Variants in RABGAP1L observed in about 807,000 individuals in gnomAD.
The protein encoded by RABGAP1L is RAB GTPase activating protein 1 like.
In RABGAP1L, 63 loss-of-function variants were observed where a neutral mutation model predicts 137.7. The ratio of observed to expected loss-of-function variants is 0.46; its 90% confidence interval spans 0.37 to 0.56. RABGAP1L has a LOEUF of 0.56. Ranked by LOEUF, RABGAP1L falls within the 20% of genes least tolerant of loss-of-function variation. The probability of loss-of-function intolerance (pLI) is 0.00; values close to 1 mark genes in which losing one functional copy is unlikely to be tolerated. For missense variants in RABGAP1L, 1,095 were observed against 1,244.0 expected, an observed-to-expected ratio of 0.88 and a Z score of 1.80; for synonymous variants, 431 against 433.7, an observed-to-expected ratio of 0.99 and a Z score of 0.08.
intron 18 of RABGAP1L, among the ~76,000 whole-genome samples, chr1:174,793,120 G>A (rs912555502): frequency 1.5e-4 from 23 of 151,148 alleles, no homozygotes; most frequent in Non-Finnish European, 1.0e-4. Context: ...TAACAAGAGC[G>A]AAACTCCATC....
At chr1:174,625,956 G>C (rs2148292209) in intron 13 of RABGAP1L, among the ~76,000 whole-genome samples, 1 of 152,222 alleles carries the variant, frequency 6.6e-6, no homozygotes, top group South Asian at 2.1e-4. Flanking sequence ...AGAGTTCAAA[G>C]AGCTGTTTTG....
rs140461792 is a variant in RABGAP1L, at chr1:174,666,103, G to A, written c.1825-17419G>A. Among the ~76,000 whole-genome samples, 91 of 152,182 alleles carry A rather than the reference G, an allele frequency of 6.0e-4. 1 individual carries two copies. The highest frequency in any genetic ancestry group is 2.0e-3 in the African/African-American group (84 of 41,516). ...TAGGCTTTCCTTGGTATCTCTTTGT[G>A]TCTCCCAGCTTATGTGAGAACAGAT... On this transcript the variant is annotated intron_variant, in intron 14 of 25. Coordinates refer to ENST00000681986, the MANE Select transcript of RABGAP1L (RefSeq NM_001366446.1).
At chr1:174,798,146 T>G (rs1192833583) in intron 18 of RABGAP1L, among the ~76,000 whole-genome samples, 1 of 151,100 alleles carries the variant, frequency 6.6e-6, no homozygotes, top group Non-Finnish European at 1.5e-5. Flanking sequence ...GAAATCATTT[T>G]AGCACTTTGG....
At chr1:174,964,641 C>T (rs368802304) in intron 20 of RABGAP1L, 12 of 317,906 alleles carry the variant, frequency 3.8e-5, no homozygotes, top group South Asian at 3.6e-4. Context: ...CACCTCACAC[C>T]GTAGTTCCTT....
At chr1:174,617,104 A>T (rs1316705975) in intron 13 of RABGAP1L, among the ~76,000 whole-genome samples, 2 of 152,210 alleles carry the variant, frequency 1.3e-5, no homozygotes, top group Non-Finnish European at 2.9e-5. Flanking sequence ...ATGTATATTT[A>T]CCTGAGTCTT....
intron 13 of RABGAP1L, among the ~76,000 whole-genome samples, chr1:174,537,645 T>C (rs1482543130): frequency 6.6e-6 from 1 of 152,174 alleles, no homozygotes; most frequent in Non-Finnish European, 1.5e-5. Flanking sequence ...TGTACTACTA[T>C]GGAGAGAGGT....
At chr1:174,429,269 TAAAGG>T (rs548578473) in intron 13 of RABGAP1L, among the ~76,000 whole-genome samples, 1 of 152,330 alleles carries the variant, frequency 6.6e-6, no homozygotes, top group South Asian at 2.1e-4. Context: ...ATAAGATAGT[TAAAGG>T]AAGGGCATTT....
chr1:174,195,140 T>C (rs1174723921), intron 1 of RABGAP1L, among the ~76,000 whole-genome samples: 1 of 152,212 alleles, frequency 6.6e-6, no homozygotes, highest in African/African-American at 2.4e-5. Context: ...TGTGCAGATA[T>C]GGGATTCTCA....
chr1:174,523,041 CTGTTGAG>C (rs1471356463), intron 13 of RABGAP1L, among the ~76,000 whole-genome samples: 1 of 152,168 alleles, frequency 6.6e-6, no homozygotes, highest in African/African-American at 2.4e-5. Flanking sequence ...GAATTTTTGC[CTGTTGAG>C]TGTTGAGACT....
At position 174,240,023 on chromosome 1, in the gene RABGAP1L, G is replaced by A. The variant is rs116654286; in HGVS notation, c.543-1460G>A. ...TGTTATCGTCTAAAAATGTCAAAAT[G>A]TCTTTTTAAAGAAAAATTGTTTTCA... On this transcript the variant is annotated intron_variant, in intron 4 of 25. Transcript: ENST00000681986. 7.6e-4 allele frequency among the ~76,000 whole-genome samples: 115 copies of A among 152,276 alleles called. 1 individual carries two copies. Among genetic ancestry groups the A allele is most frequent in the African/African-American group, 2.6e-3 (110 of 41,564 alleles).
intron 19 of RABGAP1L, among the ~76,000 whole-genome samples, chr1:174,816,788 A>G (rs1793302): frequency 2.7e-5 from 4 of 150,888 alleles, no homozygotes; most frequent in African/African-American, 4.9e-5. Flanking sequence ...CTGGAATGCA[A>G]TGGCGCGATC....
intron 19 of RABGAP1L, among the ~76,000 whole-genome samples, chr1:174,880,414 G>T (rs1653985938): frequency 6.6e-6 from 1 of 151,734 alleles, no homozygotes; most frequent in Non-Finnish European, 1.5e-5. Context: ...AGAGGAAGAG[G>T]ATTCCTTGAA....
chr1:174,357,691 C>G (rs777245624), intron 11 of RABGAP1L, among the ~76,000 whole-genome samples: 1 of 152,164 alleles, frequency 6.6e-6, no homozygotes, highest in South Asian at 2.1e-4. Context: ...GAGCATAAGG[C>G]TTGAATTGAC....
intron 12 of RABGAP1L, among the ~76,000 whole-genome samples, chr1:174,384,943 G>T (rs1341491034): frequency 6.6e-6 from 1 of 152,072 alleles, no homozygotes; most frequent in Non-Finnish European, 1.5e-5. Context: ...TTCTCTATTA[G>T]GTTATACATA....
At chr1:174,669,838 C>T (rs1005129261) in intron 14 of RABGAP1L, among the ~76,000 whole-genome samples, 1 of 152,012 alleles carries the variant, frequency 6.6e-6, no homozygotes, top group Non-Finnish European at 1.5e-5. Flanking sequence ...TTGGGTCTAG[C>T]TTTCTGTTTT....
intron 11 of RABGAP1L, among the ~76,000 whole-genome samples, chr1:174,307,643 G>A (rs1678422907): frequency 6.6e-6 from 1 of 152,094 alleles, no homozygotes; most frequent in Non-Finnish European, 1.5e-5. Flanking sequence ...GATATAGCAG[G>A]TGTCAGTATT....
chr1:174,853,768 G>T (rs1444204817), intron 19 of RABGAP1L, among the ~76,000 whole-genome samples: 3 of 152,226 alleles, frequency 2.0e-5, no homozygotes, highest in Non-Finnish European at 4.4e-5. Flanking sequence ...GGCTAGCTTT[G>T]TTCCAAAGCC....
At chr1:174,622,404 C>T (rs1416971880) in intron 13 of RABGAP1L, among the ~76,000 whole-genome samples, 2 of 152,120 alleles carry the variant, frequency 1.3e-5, no homozygotes, top group South Asian at 2.1e-4. Context: ...CACATGCACA[C>T]GTATGTTTAT....
chr1:174,429,391 T>C (rs1652331575), intron 13 of RABGAP1L, among the ~76,000 whole-genome samples: 1 of 151,868 alleles, frequency 6.6e-6, no homozygotes, highest in Non-Finnish European at 1.5e-5. Context: ...GGAAAATCCA[T>C]GGCACTCTTT....
Sources: allele counts gnomAD v4.1 joint callset (sites outside exome capture counted in the v4.1 genomes callset), GRCh38; gene constraint gnomAD v4.1.1; transcripts MANE v1.5; gene names NCBI Gene and HGNC (gene_info 2026-07-23, HGNC 2026-07-21).